RAB3C: variants seen among roughly 807,000 people sequenced by gnomAD.
RAB3C encodes the protein RAB3C, member RAS oncogene family, also known as ras-related protein Rab-3C.
Under a neutral mutation model 26.4 loss-of-function variants are expected in RAB3C, and 17 were observed. That is an observed-to-expected ratio of 0.64 (90% CI 0.44 to 0.97). The LOEUF (loss-of-function observed/expected upper bound fraction) is 0.97, where lower values mean the gene tolerates loss of function less well. Among genes scored for constraint, RAB3C ranks in the 50% least tolerant of loss-of-function variants. The probability of loss-of-function intolerance (pLI) is 0.00; values close to 1 mark genes in which losing one functional copy is unlikely to be tolerated. For missense variants in RAB3C, 242 were observed against 281.9 expected, an observed-to-expected ratio of 0.86 and a Z score of 1.01; for synonymous variants, 91 against 95.9, an observed-to-expected ratio of 0.95 and a Z score of 0.30.
chr5:58,777,897 A>G (rs1161471858), intron 3 of RAB3C, among the ~76,000 whole-genome samples: 2 of 152,038 alleles, frequency 1.3e-5, no homozygotes, highest in African/African-American at 4.8e-5. Context: ...TTCCAGCTTC[A>G]TCCATGTCCC....
chr5:58,592,179 G>A (rs185168163), intron 1 of RAB3C, among the ~76,000 whole-genome samples: 6 of 152,058 alleles, frequency 3.9e-5, no homozygotes, highest in African/African-American at 1.4e-4. Flanking sequence ...GATTACAGGC[G>A]TGAGCCACTG....
intron 2 of RAB3C, among the ~76,000 whole-genome samples, chr5:58,674,175 G>A (rs28588077): frequency 0.05 from 7,578 of 152,058 alleles, 639 homozygotes; most frequent in African/African-American, 0.17. Flanking sequence ...TGAAAGTGAG[G>A]TAATTTCATG....
At chr5:58,798,308 AAAAAAGATACTTTTAC>A (rs1340438676) in intron 3 of RAB3C, among the ~76,000 whole-genome samples, 7 of 152,174 alleles carry the variant, frequency 4.6e-5, no homozygotes, top group African/African-American at 1.7e-4. Flanking sequence ...TACAAAGGGA[AAAAAAGATACTTTTAC>A]AATAGAAAAA....
chr5:58,606,185 ACT>A (rs1327881299), intron 1 of RAB3C, among the ~76,000 whole-genome samples: 1 of 151,946 alleles, frequency 6.6e-6, no homozygotes, highest in Non-Finnish European at 1.5e-5. Context: ...AAAATGGGAC[ACT>A]CTGCCCAAAT....
At chr5:58,737,435 ATATATATATAT>A (rs542122641) in intron 3 of RAB3C, among the ~76,000 whole-genome samples, 3 of 93,352 alleles carry the variant, frequency 3.2e-5, no homozygotes, top group African/African-American at 5.1e-5. Flanking sequence ...ATATATATAT[ATATATATATAT>A]ATAATTTACT....
intron 2 of RAB3C, among the ~76,000 whole-genome samples, chr5:58,653,702 C>A (rs1235584277): frequency 6.6e-6 from 1 of 152,076 alleles, no homozygotes; most frequent in Admixed American, 6.5e-5. Flanking sequence ...TCTATTTTCA[C>A]AATATTGTGA....
At chr5:58,690,543 A>G (rs1468671956) in intron 2 of RAB3C, among the ~76,000 whole-genome samples, 1 of 152,142 alleles carries the variant, frequency 6.6e-6, no homozygotes, top group Non-Finnish European at 1.5e-5. Context: ...GTTTGGGGCC[A>G]CAGATTTCTG....
chr5:58,720,869 T>A (rs1579878364), intron 2 of RAB3C, among the ~76,000 whole-genome samples: 1 of 151,808 alleles, frequency 6.6e-6, no homozygotes, highest in Non-Finnish European at 1.5e-5. Context: ...TTTAATTGAA[T>A]ACAAGGAGAA....
chr5:58,818,296 A>G (rs1277599603), intron 3 of RAB3C, among the ~76,000 whole-genome samples: 2 of 152,232 alleles, frequency 1.3e-5, no homozygotes, highest in African/African-American at 4.8e-5. Context: ...TCAGACTTAA[A>G]TTATTTTATT....
At chr5:58,751,890 G>A (rs1165751264) in intron 3 of RAB3C, among the ~76,000 whole-genome samples, 2 of 152,136 alleles carry the variant, frequency 1.3e-5, no homozygotes, top group African/African-American at 4.8e-5. Flanking sequence ...CTCAAACACT[G>A]CCTTTAAAGC....
In RAB3C at chr5:58,774,934, A is replaced by C. The variant is rs1367017988; in HGVS notation, c.371+48814A>C. On this transcript the variant is annotated intron_variant, in intron 3 of 4. Coordinates refer to ENST00000282878, the MANE Select transcript of RAB3C (RefSeq NM_138453.4). ...CTTGAGGGCCTTGTGAAGCATCGTG[A>C]CTAAGGACTTTGGCTTTTGCTCTGG... 2.0e-5 allele frequency among the ~76,000 whole-genome samples: 3 copies of C among 152,110 alleles called. No individual in the cohort carries two copies. The East Asian group carries it at 5.8e-4, about 29-fold the overall frequency.
At chr5:58,807,734 A>G (rs1406254664) in intron 3 of RAB3C, among the ~76,000 whole-genome samples, 1 of 152,162 alleles carries the variant, frequency 6.6e-6, no homozygotes, top group South Asian at 2.1e-4. Flanking sequence ...TCCATATACC[A>G]TCACATTGGG....
Position 58,665,353 on chromosome 5 carries a change from G to A in RAB3C, c.252+47483G>A, listed in dbSNP as rs115959065. Among the ~76,000 whole-genome samples the A allele has an allele frequency of 2.8e-3, 425 of 152,290 alleles. 1 individual carries two copies. Among genetic ancestry groups the A allele is most frequent in the African/African-American group, 9.5e-3 (393 of 41,574 alleles). ...AGCCATTAGTGTTTTTGCAGAAAATGTGAGTGTGTGACCTAAGAAAAATGT... is the reference window on the plus strand; with the variant it reads ...AGCCATTAGTGTTTTTGCAGAAAATATGAGTGTGTGACCTAAGAAAAATGT... On this transcript the variant is annotated intron_variant, in intron 2 of 4. Transcript: ENST00000282878.
At chr5:58,686,542 T>C (rs1748447116) in intron 2 of RAB3C, among the ~76,000 whole-genome samples, 1 of 152,098 alleles carries the variant, frequency 6.6e-6, no homozygotes, top group African/African-American at 2.4e-5. Context: ...TTAATAAAAA[T>C]ATTAACAACT....
intron 3 of RAB3C, among the ~76,000 whole-genome samples, chr5:58,760,277 G>T (rs1741771213): frequency 6.6e-6 from 1 of 152,114 alleles, no homozygotes; most frequent in Non-Finnish European, 1.5e-5. Flanking sequence ...ATATAGAAAA[G>T]TCATGAAAGT....
At chr5:58,710,657 A>C (rs1215447173) in intron 2 of RAB3C, among the ~76,000 whole-genome samples, 2 of 151,092 alleles carry the variant, frequency 1.3e-5, no homozygotes, top group African/African-American at 4.9e-5. Flanking sequence ...AATTTTAAAA[A>C]AGAGAAGCTT....
chr5:58,724,650 A>C (rs78410520), intron 2 of RAB3C, among the ~76,000 whole-genome samples: 5,397 of 151,782 alleles, frequency 0.036, 289 homozygotes, highest in African/African-American at 0.12. Context: ...GAAAGTAAAC[A>C]TATGTAGAAG....
Position 58,726,100 on chromosome 5 carries a change from C to G in RAB3C, c.351C>G (p.Ser117=). 1 of 1,580,334 alleles carries G rather than the reference C, an allele frequency of 6.3e-7. No homozygotes were observed. The highest frequency in any genetic ancestry group is 8.7e-7 in the Non-Finnish European group (1 of 1,152,994). The change falls in exon 3 of 5, where the codon TCC becomes TCG. Residue 117 remains serine, a synonymous_variant. Transcript: ENST00000282878. ...ILMYDITNEE[S]FNAVQDWSTQ... is the part of the protein sequence containing the mutation. ...TGTATGACATTACAAATGAAGAATC[C>G]TTCAATGCAGTACAAGATTGGTAAG... is the stretch of plus-strand genomic sequence containing the variant.
intron 3 of RAB3C, among the ~76,000 whole-genome samples, chr5:58,799,948 C>A (rs1223352316): frequency 1.3e-5 from 2 of 152,202 alleles, no homozygotes; most frequent in Non-Finnish European, 2.9e-5. Flanking sequence ...TCAGTTGACT[C>A]CCTTTCTTCA....
Sources: gnomAD v4.1 joint callset for allele counts (sites outside exome capture counted in the v4.1 genomes callset) on GRCh38, gnomAD v4.1.1 for gene constraint, MANE v1.5 for transcripts, NCBI Gene and HGNC (gene_info 2026-07-23, HGNC 2026-07-21) for gene names.